KLF11: variants seen among roughly 807,000 people sequenced by gnomAD.
The protein encoded by KLF11 is KLF transcription factor 11, also known as Krueppel-like factor 11.
KLF11 carries 26 observed loss-of-function variants against 29.9 expected under a neutral mutation model. That is an observed-to-expected ratio of 0.87 (90% CI 0.64 to 1.21). The LOEUF (loss-of-function observed/expected upper bound fraction) is 1.21, where lower values mean the gene tolerates loss of function less well. Ranked by LOEUF, KLF11 falls within the 50% of genes most tolerant of loss-of-function variation. KLF11 has a pLI of 0.00. For missense variants in KLF11, 778 were observed against 665.7 expected (o/e 1.17, Z -1.86); for synonymous variants, 318 against 257.4 (o/e 1.24, Z -2.25).
At chr2:10,044,484 TC>T in intron 1 of KLF11, 3 of 972,608 alleles carry the variant, frequency 3.1e-6, no homozygotes, top group South Asian at 4.8e-5. Flanking sequence ...TTCTGTGACA[TC>T]ACAGGGGGTT....
At chr2:10,046,883 A>G (rs536785080) in intron 2 of KLF11, among the ~76,000 whole-genome samples, 55 of 152,306 alleles carry the variant, frequency 3.6e-4, no homozygotes, top group African/African-American at 1.2e-3. Flanking sequence ...ACAAAAAAAG[A>G]AACTTTTCTT....
intron 1 of KLF11, 71 bp from the exon 2 acceptor site, chr2:10,046,079 C>A: frequency 6.4e-7 from 1 of 1,570,042 alleles, no homozygotes; most frequent in Admixed American, 1.7e-5. Context: ...ATATGCATAT[C>A]CACATGCCCA....
rs1271746149 is a variant in KLF11 at position 10,048,270 on chromosome 2, G to A, written c.933G>A (p.Val311=). The change falls in exon 3 of 4, where the codon GTG becomes GTA. Residue 311 remains valine, a synonymous_variant. Transcript: ENST00000305883. ...AFLKPPPQLS[V]GTVRPILAQA... ...TGAAGCCCCCTCCCCAGTTGTCTGT[G>A]GGGACTGTGAGACCCATCCTAGCTC... is the stretch of plus-strand genomic sequence containing the variant. The A allele has an allele frequency of 1.2e-6, 2 of 1,607,890 alleles. No individual in the cohort carries two copies. The highest frequency in any genetic ancestry group is 1.7e-6 in the Non-Finnish European group (2 of 1,176,300).
At chr2:10,047,508 G>A in intron 2 of KLF11, 142 bp from the exon 3 acceptor site, 1 of 764,036 alleles carries the variant, frequency 1.3e-6, no homozygotes. Flanking sequence ...GCCTCATGCA[G>A]CCTTGAAACC....
rs1034519774 is a variant in KLF11 at position 10,046,063 on chromosome 2, C to T, written c.43-87C>T. 8.7e-6 allele frequency: 13 copies of T among 1,493,756 alleles called. No homozygotes were observed. The African/African-American group carries it at 1.4e-4, about 16-fold the overall frequency. The allele number at this position is 1,493,756 out of a possible 1,614,324, so 92.5% of individuals were successfully genotyped here. A position where few individuals can be genotyped will look rare whatever the true frequency, so the allele number is the denominator to read the frequency against. On this transcript the variant is annotated intron_variant, in intron 1 of 3. Coordinates refer to ENST00000305883, the MANE Select transcript of KLF11 (RefSeq NM_003597.5). ...ATGTGCATTACATGCCTACTGTAGG[C>T]TTCTGATATGCATATCCACATGCCC...
intron 2 of KLF11, among the ~76,000 whole-genome samples, chr2:10,046,782 G>C (rs2125277779): frequency 6.6e-6 from 1 of 152,288 alleles, no homozygotes; most frequent in East Asian, 1.9e-4. Flanking sequence ...TTGAACCCGG[G>C]AGGCGGAGGT....
chr2:10,045,005 G>C lies in KLF11; in HGVS notation c.43-1145G>C, dbSNP rs112051821. Reference sequence around the variant, plus strand: ...TACTAAAAATACAAAAATCAGCTGAGCATGGTGGTGGGCGCCTGTAATCCC... The same window carrying C: ...TACTAAAAATACAAAAATCAGCTGACCATGGTGGTGGGCGCCTGTAATCCC... On this transcript the variant is annotated intron_variant, in intron 1 of 3. Transcript: ENST00000305883. 2.9e-3 allele frequency among the ~76,000 whole-genome samples: 446 copies of C among 152,328 alleles called. 1 individual carries two copies. The highest frequency in any genetic ancestry group is 0.01 in the African/African-American group (424 of 41,580).
Position 10,053,621 on chromosome 2 carries a change from A to C in KLF11, c.*1114A>C, listed in dbSNP as rs1661474984. 2.5e-6 allele frequency: 1 copy of C among 393,252 alleles called. No homozygotes were observed. The highest frequency in any genetic ancestry group is 4.5e-6 in the Non-Finnish European group (1 of 222,912). The allele number at this position is 393,252 out of a possible 1,614,324, so 24.4% of individuals were successfully genotyped here. On this transcript the variant is annotated 3_prime_UTR_variant, in exon 4 of 4. Coordinates refer to ENST00000305883, the MANE Select transcript of KLF11 (RefSeq NM_003597.5). ...GGAAATGCAAGTTACGCTAAATGGCAGTAATACTACCCAACTGCCTTTCTG... is the reference window on the plus strand; with the variant it reads ...GGAAATGCAAGTTACGCTAAATGGCCGTAATACTACCCAACTGCCTTTCTG...
intron 1 of KLF11, among the ~76,000 whole-genome samples, chr2:10,045,933 C>T (rs1044335894): frequency 1.6e-4 from 25 of 152,364 alleles, no homozygotes; most frequent in South Asian, 1.4e-3. Context: ...CAACGCTTGC[C>T]AGCTTAGTTC....
At chr2:10,043,924 G>A (rs1661079113) in intron 1 of KLF11, 166 bp downstream of exon 1, 14 of 1,014,140 alleles carry the variant, frequency 1.4e-5, no homozygotes, top group Admixed American at 5.8e-5. Context: ...CGGGCGGGGC[G>A]GCGGCCGCGA....
At position 10,044,011 on chromosome 2, in the gene KLF11, C is replaced by T. The variant is rs900419846; in HGVS notation, c.42+253C>T. On this transcript the variant is annotated intron_variant, in intron 1 of 3. Transcript: ENST00000305883. The stretch of plus-strand genomic sequence containing the variant: ...CTTTGTCTTGCGCTTCCTGGGCGGC[C>T]CCGCCCCGCTGGCCCCGCGGCTATT... 7 of 739,792 alleles carry T rather than the reference C, an allele frequency of 9.5e-6. No homozygotes were observed. In the South Asian group the frequency reaches 2.4e-4, roughly 25 times the overall value. 45.8% of individuals were successfully genotyped at this position (739,792 alleles called of 1,614,324 possible). A position where few individuals can be genotyped will look rare whatever the true frequency, so the allele number is the denominator to read the frequency against.
intron 3 of KLF11, 36 bp from the exon 4 acceptor site, chr2:10,052,191 T>G: frequency 6.2e-7 from 1 of 1,607,800 alleles, no homozygotes; most frequent in South Asian, 1.1e-5. Context: ...GCTTAGCGTT[T>G]CCTTTCTCTT....
chr2:10,051,513 T>C (rs1264386046), intron 3 of KLF11, among the ~76,000 whole-genome samples: 1 of 151,078 alleles, frequency 6.6e-6, no homozygotes, highest in Non-Finnish European at 1.5e-5. Context: ...AGCTGGATGC[T>C]ACATTTTTTA....
intron 1 of KLF11, among the ~76,000 whole-genome samples, chr2:10,044,775 C>T (rs529165559): frequency 6.6e-5 from 10 of 151,834 alleles, no homozygotes; most frequent in East Asian, 1.9e-4. Context: ...GTAATATCAC[C>T]CTCTCGCCCC....
At chr2:10,047,430 C>T (rs1247289254) in intron 2 of KLF11, among the ~76,000 whole-genome samples, 1 of 152,150 alleles carries the variant, frequency 6.6e-6, no homozygotes, top group African/African-American at 2.4e-5. Flanking sequence ...CTCAGAGTTC[C>T]CTGCACTGGG....
intron 2 of KLF11, among the ~76,000 whole-genome samples, chr2:10,046,630 G>C (rs952097152): frequency 3.3e-5 from 5 of 152,204 alleles, no homozygotes; most frequent in Non-Finnish European, 7.3e-5. Context: ...GGCCAGGCAG[G>C]CAGATCACAA....
chr2:10,052,797 A>G lies in KLF11; in HGVS notation c.*290A>G, dbSNP rs1043346046. 2 of 424,812 alleles carry G rather than the reference A, an allele frequency of 4.7e-6. No homozygotes were observed. The highest frequency in any genetic ancestry group is 4.2e-6 in the Non-Finnish European group (1 of 239,096). 26.3% of individuals were successfully genotyped at this position (424,812 alleles called of 1,614,324 possible). ...GCATTCAAACAAATATTTCGGCAAT[A>G]AAGTTTACAAAATCTGGATTTTTAC... On this transcript the variant is annotated 3_prime_UTR_variant, in exon 4 of 4. Coordinates refer to ENST00000305883, the MANE Select transcript of KLF11 (RefSeq NM_003597.5).
At position 10,052,434 on chromosome 2, in the gene KLF11, T is replaced by G. The variant is rs755600605; in HGVS notation, c.1466T>G (p.Val489Gly). 6.2e-7 allele frequency: 1 copy of G among 1,613,800 alleles called. No homozygotes were observed. The highest frequency in any genetic ancestry group is 8.5e-7 in the Non-Finnish European group (1 of 1,179,924). The change falls in exon 4 of 4, where the codon GTT becomes GGT. Residue 489 changes from valine to glycine, a missense_variant. Val to Gly is a moderately radical substitution (Grantham distance 109). Coordinates refer to ENST00000305883, the MANE Select transcript of KLF11 (RefSeq NM_003597.5). The stretch of plus-strand genomic sequence containing the variant: ...AAGATCCCAGGCTGGCAGGCAGAGG[T>G]TGGCAAGCTGAACAGAATCGCCTCT... ...TKKIPGWQAE[V>G]GKLNRIASAE...
chr2:10,051,742 C>G (rs1661412569), intron 3 of KLF11, among the ~76,000 whole-genome samples: 1 of 142,030 alleles, frequency 7.0e-6, no homozygotes, highest in Admixed American at 7.1e-5. Flanking sequence ...TGGTCTCGGT[C>G]TTCTGACTTT....
Sources: gnomAD v4.1 joint callset for allele counts (sites outside exome capture counted in the v4.1 genomes callset) on GRCh38, gnomAD v4.1.1 for gene constraint, MANE v1.5 for transcripts, NCBI Gene and HGNC (gene_info 2026-07-23, HGNC 2026-07-21) for gene names.